PRKCA: variants seen among roughly 807,000 people sequenced by gnomAD.
The protein encoded by PRKCA is protein kinase C alpha type.
A neutral mutation model predicts 87.0 loss-of-function variants in PRKCA; 27 were observed. That is an observed-to-expected ratio of 0.31 (90% CI 0.23 to 0.43). The LOEUF is 0.43. Among genes scored for constraint, PRKCA ranks in the 20% least tolerant of loss-of-function variants. PRKCA has a pLI of 1.00. For synonymous variants in PRKCA, 329 were observed against 311.1 expected (o/e 1.06, Z -0.61); for missense variants, 518 against 852.3 (o/e 0.61, Z 4.88).
chr17:66,440,089 CT>C (rs2143868086), intron 2 of PRKCA, among the ~76,000 whole-genome samples: 1 of 152,294 alleles, frequency 6.6e-6, no homozygotes, highest in East Asian at 1.9e-4. Flanking sequence ...TTACTGTAGG[CT>C]TTGATTTATT....
chr17:66,395,588 T>C (rs2143657219), intron 2 of PRKCA, among the ~76,000 whole-genome samples: 1 of 152,294 alleles, frequency 6.6e-6, no homozygotes, highest in East Asian at 1.9e-4. Context: ...GATTGCATGG[T>C]TATCTTTAAG....
rs111794827 is a variant in PRKCA, at chr17:66,481,081, C to T, written c.206-15120C>T. Among the ~76,000 whole-genome samples the T allele has an allele frequency of 5.9e-3, 905 of 152,250 alleles. 9 individuals carry two copies. The highest frequency in any genetic ancestry group is 0.02 in the African/African-American group (834 of 41,560). On this transcript the variant is annotated intron_variant, in intron 2 of 16. Transcript: ENST00000413366. ...TGGATCTGCTGTCCTTTTTCATTCT[C>T]AGCACTAGCGTCATTTCTGCCACAA...
intron 3 of PRKCA, among the ~76,000 whole-genome samples, chr17:66,626,327 A>T (rs1970854611): frequency 6.7e-6 from 1 of 148,662 alleles, no homozygotes; most frequent in South Asian, 2.1e-4. Flanking sequence ...AGCTGGGACC[A>T]TAGGTGCACA....
At chr17:66,731,152 ACCAGGCTGC>A (rs1973875239) in intron 8 of PRKCA, among the ~76,000 whole-genome samples, 1 of 152,050 alleles carries the variant, frequency 6.6e-6, no homozygotes, top group African/African-American at 2.4e-5. Context: ...GGAGTTCGAG[ACCAGGCTGC>A]CCAACATGGC....
chr17:66,476,565 T>C (rs116827863), intron 2 of PRKCA, among the ~76,000 whole-genome samples: 4,554 of 152,300 alleles, frequency 0.03, 232 homozygotes, highest in African/African-American at 0.1. Context: ...TCTGGTTCTC[T>C]GCCATTACCT....
chr17:66,537,591 C>G (rs1271245322), intron 3 of PRKCA, among the ~76,000 whole-genome samples: 1 of 152,180 alleles, frequency 6.6e-6, no homozygotes, highest in African/African-American at 2.4e-5. Flanking sequence ...TAAGAAAAGT[C>G]ATGAGACACA....
chr17:66,331,551 A>G (rs1408517743), intron 2 of PRKCA, among the ~76,000 whole-genome samples: 1 of 152,134 alleles, frequency 6.6e-6, no homozygotes, highest in Middle Eastern at 3.2e-3. Context: ...TCTCCTCTGC[A>G]CAGACTTGTA....
At chr17:66,351,686 A>G (rs190431175) in intron 2 of PRKCA, among the ~76,000 whole-genome samples, 4 of 152,344 alleles carry the variant, frequency 2.6e-5, no homozygotes, top group African/African-American at 7.2e-5. Context: ...ACATGTGACT[A>G]TATCTTATTG....
chr17:66,633,667 G>T (rs539298781), intron 3 of PRKCA, among the ~76,000 whole-genome samples: 1 of 152,178 alleles, frequency 6.6e-6, no homozygotes. Context: ...AACCTATGGG[G>T]CATTTTGGAG....
At chr17:66,690,428 G>A (rs144245937) in intron 8 of PRKCA, among the ~76,000 whole-genome samples, 3 of 152,156 alleles carry the variant, frequency 2.0e-5, no homozygotes, top group East Asian at 3.9e-4. Context: ...TCTCACAGGC[G>A]AGTCCAGGCC....
intron 8 of PRKCA, among the ~76,000 whole-genome samples, chr17:66,719,724 A>G (rs1212355218): frequency 6.6e-6 from 1 of 152,250 alleles, no homozygotes; most frequent in Middle Eastern, 3.2e-3. Context: ...CCAAGATCAC[A>G]CCGCTGCACT....
chr17:66,791,887 AC>A (rs1480074871), intron 16 of PRKCA, among the ~76,000 whole-genome samples: 1 of 152,260 alleles, frequency 6.6e-6, no homozygotes, highest in African/African-American at 2.4e-5. Context: ...TGAAAAATGT[AC>A]TGTAGTTTCC....
At chr17:66,513,374 A>C (rs1917329868) in intron 3 of PRKCA, among the ~76,000 whole-genome samples, 1 of 152,230 alleles carries the variant, frequency 6.6e-6, no homozygotes, top group Middle Eastern at 3.2e-3. Context: ...ACATCTTCCA[A>C]ATAAAAGGTG....
At chr17:66,654,528 A>T (rs1009461949) in intron 5 of PRKCA, among the ~76,000 whole-genome samples, 8 of 152,162 alleles carry the variant, frequency 5.3e-5, no homozygotes, top group African/African-American at 1.7e-4. Context: ...TGCCCTTCCC[A>T]CTATTGTAAG....
At chr17:66,369,791 T>C (rs140028114) in intron 2 of PRKCA, among the ~76,000 whole-genome samples, 2,070 of 152,282 alleles carry the variant, frequency 0.014, 54 homozygotes, top group African/African-American at 0.047. Flanking sequence ...CTGTCCCAGG[T>C]GTCCTCTGCC....
chr17:66,515,657 C>G (rs1053233743), intron 3 of PRKCA, among the ~76,000 whole-genome samples: 1 of 152,124 alleles, frequency 6.6e-6, no homozygotes, highest in Non-Finnish European at 1.5e-5. Flanking sequence ...ATCCTCCCCC[C>G]ATCAGTCTCC....
At chr17:66,649,115 A>C (rs938439522) in intron 5 of PRKCA, among the ~76,000 whole-genome samples, 2 of 152,090 alleles carry the variant, frequency 1.3e-5, no homozygotes, top group Non-Finnish European at 2.9e-5. Flanking sequence ...AAAAAAAAGA[A>C]AGAAAGAAAA....
At chr17:66,516,144 G>A (rs1173271860) in intron 3 of PRKCA, among the ~76,000 whole-genome samples, 1 of 152,234 alleles carries the variant, frequency 6.6e-6, no homozygotes, top group Non-Finnish European at 1.5e-5. Flanking sequence ...AAACGGCAGA[G>A]CATCCCCAAG....
rs1039230375 is a variant in PRKCA, at chr17:66,624,527, G to A, written c.289-16828G>A. ...ATTTAAATGAATTATTTGGCCAGGC[G>A]TGGTGGCTCACACTTGTAATCCCAG... On this transcript the variant is annotated intron_variant, in intron 3 of 16. Transcript: ENST00000413366. Among the ~76,000 whole-genome samples the A allele has an allele frequency of 3.3e-5, 5 of 152,188 alleles. No individual in the cohort carries two copies. The East Asian group carries it at 5.8e-4, about 18-fold the overall frequency.
Sources: gnomAD v4.1 joint callset for allele counts (sites outside exome capture counted in the v4.1 genomes callset) on GRCh38, gnomAD v4.1.1 for gene constraint, MANE v1.5 for transcripts, NCBI Gene and HGNC (gene_info 2026-07-23, HGNC 2026-07-21) for gene names.